Variants in HNF4G observed in about 807,000 individuals in gnomAD.
HNF4G encodes hepatocyte nuclear factor 4-gamma.
Under a neutral mutation model 50.9 loss-of-function variants are expected in HNF4G, and 21 were observed. The observed-to-expected ratio is 0.41, with a 90% CI of 0.29 to 0.59. The LOEUF (loss-of-function observed/expected upper bound fraction) is 0.59. Ranked by LOEUF, HNF4G falls within the 20% of genes least tolerant of loss-of-function variation. The pLI is 0.26. For missense variants in HNF4G, 527 were observed against 559.4 expected, an observed-to-expected ratio of 0.94 and a Z score of 0.58; for synonymous variants, 198 against 185.6, an observed-to-expected ratio of 1.07 and a Z score of -0.54.
chr8:75,538,856 G>A (rs764504885), upstream of HNF4G, among the ~76,000 whole-genome samples: 16 of 152,120 alleles, frequency 1.1e-4, no homozygotes, highest in Non-Finnish European at 2.1e-4. Flanking sequence ...CGGGTGAAAA[G>A]TACAATAGTT....
intron 1 of HNF4G, among the ~76,000 whole-genome samples, chr8:75,432,216 C>T (rs927223115): frequency 2.0e-5 from 3 of 151,078 alleles, no homozygotes; most frequent in South Asian, 4.2e-4. Flanking sequence ...ATTGTACCAC[C>T]GCACTCCAAC....
intron 2 of HNF4G, among the ~76,000 whole-genome samples, chr8:75,529,940 G>A (rs1156854247): frequency 3.3e-5 from 5 of 152,012 alleles, no homozygotes; most frequent in Non-Finnish European, 1.5e-5. Context: ...TCAAGAAGAG[G>A]AGCTACCAAA....
At chr8:75,469,669 G>T (rs189417772) in intron 1 of HNF4G, among the ~76,000 whole-genome samples, 1 of 152,066 alleles carries the variant, frequency 6.6e-6, no homozygotes, top group Non-Finnish European at 1.5e-5. Context: ...TCCTCAACAG[G>T]CACCCATAAT....
At chr8:75,436,782 A>C (rs1811151748) in intron 1 of HNF4G, among the ~76,000 whole-genome samples, 1 of 152,206 alleles carries the variant, frequency 6.6e-6, no homozygotes, top group Admixed American at 6.5e-5. Flanking sequence ...AGTGGCTCAC[A>C]CCTGTAATCT....
At chr8:75,557,169 C>T (rs1441969566) in intron 6 of HNF4G, among the ~76,000 whole-genome samples, 7 of 152,170 alleles carry the variant, frequency 4.6e-5, no homozygotes, top group Non-Finnish European at 8.8e-5. Flanking sequence ...CTACTGTATA[C>T]ATTCTAGTTC....
intron 1 of HNF4G, among the ~76,000 whole-genome samples, chr8:75,477,882 G>A (rs571680588): frequency 5.7e-4 from 87 of 152,288 alleles, no homozygotes; most frequent in African/African-American, 1.7e-3. Flanking sequence ...CAGGAGAATC[G>A]CTTGAACCCA....
intron 1 of HNF4G, among the ~76,000 whole-genome samples, chr8:75,443,502 A>G (rs549374222): frequency 1.3e-5 from 2 of 152,202 alleles, no homozygotes; most frequent in African/African-American, 4.8e-5. Flanking sequence ...GAAGAATTCT[A>G]TAAAATTTAA....
intron 1 of HNF4G, among the ~76,000 whole-genome samples, chr8:75,424,791 C>A (rs1292689444): frequency 6.6e-6 from 1 of 152,136 alleles, no homozygotes; most frequent in African/African-American, 2.4e-5. Flanking sequence ...TCGAATCCAC[C>A]ATTGATGGAC....
chr8:75,475,797 T>C (rs563988979), intron 1 of HNF4G, among the ~76,000 whole-genome samples: 2 of 152,244 alleles, frequency 1.3e-5, no homozygotes, highest in South Asian at 4.2e-4. Context: ...TAATAAACCA[T>C]AGAAGTACAA....
At chr8:75,413,646 A>G (rs1284057729) in intron 1 of HNF4G, among the ~76,000 whole-genome samples, 1 of 151,902 alleles carries the variant, frequency 6.6e-6, no homozygotes, top group Non-Finnish European at 1.5e-5. Context: ...AGGCGGGTGG[A>G]TCACTTGAGG....
intron 1 of HNF4G, among the ~76,000 whole-genome samples, chr8:75,453,523 A>C (rs932750520): frequency 1.9e-5 from 2 of 103,984 alleles, no homozygotes; most frequent in Non-Finnish European, 3.8e-5. Context: ...CCCCGTAGCC[A>C]GCAGTGGCAA....
intron 6 of HNF4G, among the ~76,000 whole-genome samples, chr8:75,556,407 A>C (rs1038220619): frequency 1.3e-5 from 2 of 152,182 alleles, no homozygotes; most frequent in Non-Finnish European, 1.5e-5. Flanking sequence ...ATGTGTTTTC[A>C]TATTTCCTCA....
intron 1 of HNF4G, among the ~76,000 whole-genome samples, chr8:75,461,684 C>T (rs1811845125): frequency 6.6e-6 from 1 of 151,686 alleles, no homozygotes; most frequent in African/African-American, 2.4e-5. Context: ...CCCAAGACCC[C>T]AAGTAGATGC....
At chr8:75,526,705 A>ATTT (rs1225334277) in intron 2 of HNF4G, among the ~76,000 whole-genome samples, 7 of 140,640 alleles carry the variant, frequency 5.0e-5, no homozygotes, top group African/African-American at 1.3e-4. Flanking sequence ...ACTAATTAAA[A>ATTT]TTTTTTTTTT....
chr8:75,515,435 T>C (rs1412051059), intron 2 of HNF4G, among the ~76,000 whole-genome samples: 1 of 152,066 alleles, frequency 6.6e-6, no homozygotes, highest in East Asian at 1.9e-4. Flanking sequence ...TATATATTCA[T>C]TATAGAAATT....
chr8:75,436,549 A>G (rs528896658), intron 1 of HNF4G, among the ~76,000 whole-genome samples: 25 of 152,288 alleles, frequency 1.6e-4, no homozygotes, highest in African/African-American at 6.0e-4. Flanking sequence ...CCCGAACAAA[A>G]GATATTGGGA....
In HNF4G at chr8:75,565,654, A is replaced by T. The variant is rs1807443035; in HGVS notation, c.*1558A>T. The T allele has an allele frequency of 6.6e-6, 1 of 152,186 alleles. No individual in the cohort carries two copies. Among genetic ancestry groups the T allele is most frequent in the African/African-American group, 2.4e-5 (1 of 41,464 alleles). The allele number at this position is 152,186 out of a possible 1,614,324, so 9.4% of individuals were successfully genotyped here. On this transcript the variant is annotated 3_prime_UTR_variant, in exon 10 of 10. Coordinates refer to ENST00000396423, the MANE Select transcript of HNF4G (RefSeq NM_004133.5). ...TGGAAAAACTGGTCGAGTAATTATC[A>T]ATAATTTTTTTTAAAAAGAGGATCC...
At chr8:75,461,250 T>C (rs1314337732) in intron 1 of HNF4G, among the ~76,000 whole-genome samples, 2 of 152,192 alleles carry the variant, frequency 1.3e-5, no homozygotes, top group Non-Finnish European at 2.9e-5. Flanking sequence ...TGCATTCCTC[T>C]GAAGAAGCCA....
intron 1 of HNF4G, among the ~76,000 whole-genome samples, chr8:75,410,607 T>C (rs1055308767): frequency 4.6e-5 from 7 of 152,186 alleles, no homozygotes; most frequent in South Asian, 4.1e-4. Context: ...ATGTGGACCA[T>C]GTTTGCAATA....
Sources: gnomAD v4.1 joint callset for allele counts (sites outside exome capture counted in the v4.1 genomes callset) on GRCh38, gnomAD v4.1.1 for gene constraint, MANE v1.5 for transcripts, NCBI Gene and HGNC (gene_info 2026-07-23, HGNC 2026-07-21) for gene names.